Variants in PRIM2 observed in about 807,000 individuals in gnomAD.
PRIM2 encodes the protein DNA primase subunit 2, also known as DNA primase large subunit.
Under a neutral mutation model 67.3 loss-of-function variants are expected in PRIM2, and 39 were observed. That is an observed-to-expected ratio of 0.58 (90% CI 0.45 to 0.76). PRIM2 has a LOEUF of 0.76. Ranked by LOEUF, PRIM2 falls within the 30% of genes least tolerant of loss-of-function variation. The pLI, the probability that PRIM2 is intolerant of heterozygous loss-of-function variation, is 0.00. For missense variants in PRIM2, 398 were observed against 598.7 expected (o/e 0.66, Z 3.50); for synonymous variants, 143 against 198.7 (o/e 0.72, Z 2.36).
At chr6:57,614,232 C>T (rs1345136929) in intron 12 of PRIM2, among the ~76,000 whole-genome samples, 1 of 152,144 alleles carries the variant, frequency 6.6e-6, no homozygotes, top group Non-Finnish European at 1.5e-5. Flanking sequence ...TTATGAGAAT[C>T]GAACTAATAA....
At position 57,607,545 on chromosome 6, in the gene PRIM2, G is replaced by A. The variant is rs1776585853; in HGVS notation, c.1230+1088G>A. ...AATTAGGGAGAGAGAATGCACAAAT[G>A]AAAGACTATAGGAGTATTAAGATTT... On this transcript the variant is annotated intron_variant, in intron 12 of 13. Transcript: ENST00000615550. Among the ~76,000 whole-genome samples, 8 of 152,260 alleles carry A rather than the reference G, an allele frequency of 5.3e-5. No individual in the cohort carries two copies. The South Asian group carries it at 1.7e-3, about 32-fold the overall frequency.
At chr6:57,359,537 A>T (rs1769131355) in intron 5 of PRIM2, among the ~76,000 whole-genome samples, 1 of 152,208 alleles carries the variant, frequency 6.6e-6, no homozygotes, top group Non-Finnish European at 1.5e-5. Flanking sequence ...TGAGAGCTGT[A>T]ATACAATGGC....
chr6:57,286,946 A>T, the PRIM2 span, among the ~76,000 whole-genome samples: 2 of 152,212 alleles, frequency 1.3e-5, no homozygotes, highest in African/African-American at 4.8e-5. Context: ...TGGGCAAAGG[A>T]TGATGTGAAC....
chr6:57,587,524 CGTG>C (rs1427674537), intron 10 of PRIM2, among the ~76,000 whole-genome samples: 3 of 151,764 alleles, frequency 2.0e-5, no homozygotes, highest in Admixed American at 2.0e-4. Context: ...ATTAGCTGGG[CGTG>C]GTGGCGGATG....
chr6:57,291,211 A>G, the PRIM2 span, among the ~76,000 whole-genome samples: 8 of 152,206 alleles, frequency 5.3e-5, no homozygotes, highest in Non-Finnish European at 1.0e-4. Context: ...ATCAGAGAAT[A>G]CTATAAACAC....
intron 10 of PRIM2, among the ~76,000 whole-genome samples, chr6:57,565,290 C>A (rs1300637917): frequency 3.4e-5 from 5 of 148,072 alleles, no homozygotes; most frequent in Admixed American, 6.8e-5. Context: ...CCTTTTTATT[C>A]TTTGTGTTTT....
At chr6:57,457,572 T>A (rs576181117) in intron 7 of PRIM2, among the ~76,000 whole-genome samples, 1 of 152,132 alleles carries the variant, frequency 6.6e-6, no homozygotes, top group African/African-American at 2.4e-5. Context: ...TCTGTGGGTG[T>A]AGGACCCCCG....
intron 5 of PRIM2, among the ~76,000 whole-genome samples, chr6:57,351,739 C>A (rs1308016463): frequency 6.6e-6 from 1 of 151,784 alleles, no homozygotes; most frequent in Non-Finnish European, 1.5e-5. Flanking sequence ...AGACAGTGGG[C>A]AGTTCAAAAT....
intron 7 of PRIM2, among the ~76,000 whole-genome samples, chr6:57,384,053 C>G (rs5004416): frequency 3.3e-5 from 5 of 152,176 alleles, no homozygotes; most frequent in African/African-American, 1.2e-4. Flanking sequence ...ATAGCTTGCC[C>G]AATGTTTCAC....
intron 13 of PRIM2, among the ~76,000 whole-genome samples, chr6:57,641,073 G>A (rs1240502836): frequency 6.6e-6 from 1 of 151,998 alleles, no homozygotes; most frequent in East Asian, 1.9e-4. Flanking sequence ...AGAGGCCTCA[G>A]AAATAATGCC....
At chr6:57,595,157 T>A (rs1227077084) in intron 10 of PRIM2, among the ~76,000 whole-genome samples, 1 of 152,088 alleles carries the variant, frequency 6.6e-6, no homozygotes, top group African/African-American at 2.4e-5. Flanking sequence ...CTGGTGGGGG[T>A]ATAAAATAGT....
chr6:57,457,237 G>A (rs1428121058), intron 7 of PRIM2, among the ~76,000 whole-genome samples: 2 of 152,212 alleles, frequency 1.3e-5, no homozygotes, highest in Non-Finnish European at 2.9e-5. Context: ...TGGGGGTCAG[G>A]GACCCACTTG....
intron 8 of PRIM2, among the ~76,000 whole-genome samples, chr6:57,516,380 A>G: frequency 6.6e-6 from 1 of 152,152 alleles, no homozygotes; most frequent in East Asian, 1.9e-4. Flanking sequence ...ATCACTTTTC[A>G]TCAATTTTAC....
intron 7 of PRIM2, among the ~76,000 whole-genome samples, chr6:57,386,278 C>T (rs551877672): frequency 1.3e-4 from 20 of 151,752 alleles, no homozygotes; most frequent in African/African-American, 4.1e-4. Flanking sequence ...AATAGCCAGT[C>T]GTGGTGGCAT....
At chr6:57,345,402 A>G (rs1282989783) in intron 5 of PRIM2, among the ~76,000 whole-genome samples, 2 of 151,216 alleles carry the variant, frequency 1.3e-5, no homozygotes, top group Admixed American at 1.3e-4. Flanking sequence ...CCTGGCTTCA[A>G]GTGATTCATC....
At chr6:57,295,204 C>T in the PRIM2 span, among the ~76,000 whole-genome samples, 22 of 152,252 alleles carry the variant, frequency 1.4e-4, no homozygotes, top group East Asian at 4.0e-3. Context: ...AAAAGTCATC[C>T]ATTCAAGAGT....
the PRIM2 span, among the ~76,000 whole-genome samples, chr6:57,236,618 A>G: frequency 6.7e-6 from 1 of 150,324 alleles, no homozygotes; most frequent in Non-Finnish European, 1.5e-5. Context: ...TCCTGTGTCC[A>G]GGTGTTCTCA....
At chr6:57,471,100 T>C (rs1223233206) in intron 7 of PRIM2, among the ~76,000 whole-genome samples, 8 of 151,758 alleles carry the variant, frequency 5.3e-5, no homozygotes, top group African/African-American at 1.9e-4. Context: ...TTTTTTTTTT[T>C]CCATCCAAAG....
At chr6:57,236,348 T>TTAC in the PRIM2 span, among the ~76,000 whole-genome samples, 1 of 148,178 alleles carries the variant, frequency 6.7e-6, no homozygotes, top group East Asian at 1.9e-4. Context: ...ATTATTATTA[T>TTAC]TATTATTTGC....
Sources: gnomAD v4.1 joint callset for allele counts (sites outside exome capture counted in the v4.1 genomes callset) on GRCh38, gnomAD v4.1.1 for gene constraint, MANE v1.5 for transcripts, NCBI Gene and HGNC (gene_info 2026-07-23, HGNC 2026-07-21) for gene names.